Variants in ASAP1 observed in about 807,000 individuals in gnomAD.
ASAP1 encodes the protein arf-GAP with SH3 domain, ANK repeat and PH domain-containing protein 1.
Under a neutral mutation model 145.2 loss-of-function variants are expected in ASAP1, and 43 were observed. The ratio of observed to expected loss-of-function variants is 0.30; its 90% CI spans 0.23 to 0.38. The LOEUF is 0.38. Ranked by LOEUF, ASAP1 falls within the 10% of genes least tolerant of loss-of-function variation. The pLI is 1.00. For synonymous variants in ASAP1, 546 were observed against 515.5 expected, an observed-to-expected ratio of 1.06 and a Z score of -0.80; for missense variants, 1,018 against 1,355.3, an observed-to-expected ratio of 0.75 and a Z score of 3.91.
chr8:130,134,263 A>G (rs770173896), intron 15 of ASAP1, 33 bp downstream of exon 15: 1 of 1,516,424 alleles, frequency 6.6e-7, no homozygotes, highest in Admixed American at 2.1e-5. Context: ...TTTTCAATCC[A>G]AGGCATCGCA....
chr8:130,104,961 A>C (rs532866919), intron 24 of ASAP1, among the ~76,000 whole-genome samples: 6 of 152,330 alleles, frequency 3.9e-5, no homozygotes, highest in African/African-American at 1.4e-4. Flanking sequence ...GCTGCCACAT[A>C]GGAAGGGTAA....
At chr8:130,346,063 G>A (rs1206004046) in intron 3 of ASAP1, among the ~76,000 whole-genome samples, 2 of 152,174 alleles carry the variant, frequency 1.3e-5, no homozygotes, top group East Asian at 3.8e-4. Context: ...TTTTTACCAG[G>A]TCTGCCTTCA....
intron 1 of ASAP1, among the ~76,000 whole-genome samples, chr8:130,417,067 C>T (rs190202289): frequency 3.5e-4 from 53 of 150,944 alleles, no homozygotes; most frequent in Admixed American, 3.5e-3. Context: ...CACACATACA[C>T]ACATGCAAAG....
intron 5 of ASAP1, among the ~76,000 whole-genome samples, chr8:130,207,116 C>T (rs1420319976): frequency 6.6e-6 from 1 of 152,026 alleles, no homozygotes; most frequent in Non-Finnish European, 1.5e-5. Flanking sequence ...AAGAAAGCTG[C>T]ATTGCAAAGA....
At chr8:130,400,696 C>T (rs925483689) in intron 2 of ASAP1, among the ~76,000 whole-genome samples, 1 of 149,948 alleles carries the variant, frequency 6.7e-6, no homozygotes, top group East Asian at 2.0e-4. Context: ...GAGGCTGAGG[C>T]AGGAGAATGG....
chr8:130,408,046 C>T (rs796505798), intron 1 of ASAP1, among the ~76,000 whole-genome samples: 10 of 152,190 alleles, frequency 6.6e-5, no homozygotes, highest in East Asian at 3.8e-4. Context: ...TCCTCTTAAG[C>T]GATCAGAAGC....
intron 25 of ASAP1, among the ~76,000 whole-genome samples, chr8:130,088,379 C>CT (rs1275725576): frequency 2.6e-5 from 4 of 152,170 alleles, no homozygotes; most frequent in Admixed American, 1.3e-4. Context: ...ATCCGCCCGC[C>CT]TTGGCCTCCC....
At chr8:130,263,635 C>A (rs773172406) in intron 3 of ASAP1, among the ~76,000 whole-genome samples, 19 of 152,124 alleles carry the variant, frequency 1.2e-4, no homozygotes, top group Non-Finnish European at 2.6e-4. Flanking sequence ...TTTATTTAAG[C>A]CTAAAAACCC....
intron 25 of ASAP1, 46 bp downstream of exon 25, chr8:130,091,927 G>A (rs759210028): frequency 1.2e-4 from 181 of 1,476,042 alleles, no homozygotes; most frequent in Non-Finnish European, 1.5e-4. Flanking sequence ...AGCCCCACAC[G>A]CTGCCTGGCC....
intron 24 of ASAP1, 141 bp from the exon 25 acceptor site, chr8:130,092,284 C>T: frequency 1.1e-6 from 1 of 875,620 alleles, no homozygotes; most frequent in Non-Finnish European, 1.7e-6. Flanking sequence ...TGGCTAACTC[C>T]ATCAACCTAA....
At chr8:130,417,256 C>T (rs1829523061) in intron 1 of ASAP1, among the ~76,000 whole-genome samples, 1 of 152,236 alleles carries the variant, frequency 6.6e-6, no homozygotes, top group African/African-American at 2.4e-5. Context: ...ATATACAACC[C>T]AAGTCCAACT....
rs1287566845 is a variant in ASAP1 at position 130,115,727 on chromosome 8, C to T, written c.2073G>A (p.Gln691=). 9 of 1,611,696 alleles carry T rather than the reference C, an allele frequency of 5.6e-6. No homozygotes were observed. The highest frequency in any genetic ancestry group is 6.8e-6 in the Non-Finnish European group (8 of 1,178,138). ...GTGGATTGAACTTTCCAGATTTAGC[C>T]TGGGAAAGCTGGAAGGAACAGCAAA... ...KATQCEDLLS[Q]AKSGKFNPHV... Residue 691 remains glutamine, a synonymous_variant, in exon 23 of 30, where the codon CAG becomes CAA. Coordinates refer to ENST00000518721, the MANE Select transcript of ASAP1 (RefSeq NM_018482.4).
chr8:130,182,831 CAA>C (rs35195899), intron 7 of ASAP1, among the ~76,000 whole-genome samples: 10,871 of 73,590 alleles, frequency 0.15, 538 homozygotes, highest in South Asian at 0.31. Flanking sequence ...TATAAAAAGG[CAA>C]AAAAAAAAAA....
intron 25 of ASAP1, among the ~76,000 whole-genome samples, chr8:130,090,183 C>G (rs144189753): frequency 6.6e-6 from 1 of 152,024 alleles, no homozygotes; most frequent in Non-Finnish European, 1.5e-5. Flanking sequence ...GATTTTCAAG[C>G]CAGAAAGCAG....
intron 24 of ASAP1, among the ~76,000 whole-genome samples, chr8:130,100,996 G>T (rs1018870710): frequency 6.6e-6 from 1 of 152,076 alleles, no homozygotes; most frequent in East Asian, 1.9e-4. Flanking sequence ...AATTCATCTT[G>T]AGTTGAGAGA....
chr8:130,142,606 G>T (rs1184570963), intron 13 of ASAP1, among the ~76,000 whole-genome samples: 1 of 152,158 alleles, frequency 6.6e-6, no homozygotes, highest in African/African-American at 2.4e-5. Flanking sequence ...TGAGCTCAAG[G>T]GTGTGCACCA....
intron 3 of ASAP1, among the ~76,000 whole-genome samples, chr8:130,335,039 G>C (rs997568267): frequency 5.9e-5 from 9 of 152,118 alleles, no homozygotes; most frequent in African/African-American, 2.2e-4. Flanking sequence ...TCTGTCACTG[G>C]GTATGAGACG....
At chr8:130,350,264 T>C (rs185238596) in intron 3 of ASAP1, among the ~76,000 whole-genome samples, 148 of 152,292 alleles carry the variant, frequency 9.7e-4, no homozygotes, top group Non-Finnish European at 1.7e-3. Context: ...AGACTGTGAA[T>C]TGCCAGTCCC....
chr8:130,180,971 G>C lies in ASAP1; in HGVS notation c.531-91C>G, dbSNP rs887306762. The C allele has an allele frequency of 4.1e-6, 5 of 1,229,584 alleles. No individual in the cohort carries two copies. In the South Asian group the frequency reaches 4.3e-5, roughly 11 times the overall value. The allele number at this position is 1,229,584 out of a possible 1,614,324, so 76.2% of individuals were successfully genotyped here. ...GATCCTAATACAAACTATGGATTTGGGGTGACGATGTGTCTATGTAGGTTC... is the reference window on the plus strand; with the variant it reads ...GATCCTAATACAAACTATGGATTTGCGGTGACGATGTGTCTATGTAGGTTC... On this transcript the variant is annotated intron_variant, in intron 7 of 29. Transcript: ENST00000518721.
Sources: allele counts gnomAD v4.1 joint callset (sites outside exome capture counted in the v4.1 genomes callset), GRCh38; gene constraint gnomAD v4.1.1; transcripts MANE v1.5; gene names NCBI Gene and HGNC (gene_info 2026-07-23, HGNC 2026-07-21).